The following CA10 variants were observed in gnomAD, a reference collection of about 807,000 sequenced individuals.
The protein encoded by CA10 is carbonic anhydrase 10 (inactive).
CA10 carries 14 observed loss-of-function variants against 44.2 expected under a neutral mutation model. The observed-to-expected ratio is 0.32, with a 90% CI of 0.21 to 0.50. The LOEUF is 0.50. Among genes scored for constraint, CA10 ranks in the 20% least tolerant of loss-of-function variants. The pLI is 0.99. For synonymous variants in CA10, 159 were observed against 141.6 expected, an observed-to-expected ratio of 1.12 and a Z score of -0.87; for missense variants, 350 against 409.7, an observed-to-expected ratio of 0.85 and a Z score of 1.26.
intron 2 of CA10, among the ~76,000 whole-genome samples, chr17:52,068,022 T>C (rs927343741): frequency 1.3e-5 from 2 of 152,134 alleles, no homozygotes; most frequent in African/African-American, 4.8e-5. Flanking sequence ...TGCAGGACAG[T>C]TGGGTAGGCA....
chr17:51,657,057 G>GT (rs1174411133), intron 4 of CA10, among the ~76,000 whole-genome samples: 9 of 152,178 alleles, frequency 5.9e-5, no homozygotes, highest in Admixed American at 5.9e-4. Flanking sequence ...AGAGGTGGAG[G>GT]TTGGGGGGTA....
intron 2 of CA10, among the ~76,000 whole-genome samples, chr17:51,933,391 C>T (rs764378653): frequency 2.6e-5 from 4 of 151,888 alleles, no homozygotes; most frequent in African/African-American, 7.3e-5. Context: ...TAATACTCTG[C>T]TGGCTTTGAA....
intron 5 of CA10, among the ~76,000 whole-genome samples, chr17:51,649,959 A>C (rs1266725327): frequency 7.1e-6 from 1 of 140,176 alleles, no homozygotes; most frequent in Non-Finnish European, 1.6e-5. Context: ...TCAATCAACC[A>C]ACCATCCATC....
At chr17:52,100,130 C>T (rs1056796504) in intron 1 of CA10, among the ~76,000 whole-genome samples, 4 of 152,016 alleles carry the variant, frequency 2.6e-5, no homozygotes, top group Non-Finnish European at 4.4e-5. Context: ...GAACCAAGAG[C>T]GTATTTGTAT....
chr17:52,112,066 C>T (rs1988798239), intron 1 of CA10, among the ~76,000 whole-genome samples: 1 of 151,858 alleles, frequency 6.6e-6, no homozygotes, highest in Admixed American at 6.6e-5. Context: ...AAATGAATGC[C>T]TAAAGACTAG....
chr17:51,922,149 C>A (rs1295075823), intron 3 of CA10, among the ~76,000 whole-genome samples: 4 of 152,114 alleles, frequency 2.6e-5, no homozygotes, highest in African/African-American at 7.2e-5. Context: ...TCATATAATT[C>A]TCTCCACCAC....
chr17:51,841,120 C>G (rs762564698), intron 3 of CA10, among the ~76,000 whole-genome samples: 10 of 152,216 alleles, frequency 6.6e-5, no homozygotes, highest in Admixed American at 1.3e-4. Flanking sequence ...TTTTGTTTAC[C>G]CATAAGAAAG....
At chr17:52,071,465 T>C (rs1364517603) in intron 2 of CA10, among the ~76,000 whole-genome samples, 5 of 152,120 alleles carry the variant, frequency 3.3e-5, no homozygotes, top group African/African-American at 9.7e-5. Flanking sequence ...AAAGAAGACA[T>C]AGAAGCCAAG....
intron 3 of CA10, among the ~76,000 whole-genome samples, chr17:51,853,809 C>T (rs565946142): frequency 1.3e-5 from 2 of 152,154 alleles, no homozygotes; most frequent in Non-Finnish European, 2.9e-5. Context: ...GACTGTTCCT[C>T]CTTCACATGC....
chr17:52,137,727 T>A (rs1989390333), intron 1 of CA10, among the ~76,000 whole-genome samples: 1 of 152,342 alleles, frequency 6.6e-6, no homozygotes, highest in East Asian at 1.9e-4. Context: ...ATTTGTTGAA[T>A]AAATCACGGG....
rs149462585 is a variant in CA10, at chr17:51,873,940, G to A, written c.279+57050C>T. On this transcript the variant is annotated intron_variant, in intron 3 of 8. Transcript: ENST00000451037. ...GGATTACACAAGCACATAGGATAGT[G>A]CACCAGACCTGCAACACTTACTATT... Among the ~76,000 whole-genome samples, 389 of 152,326 alleles carry A rather than the reference G, an allele frequency of 2.6e-3. No homozygotes were observed. In the Middle Eastern group the frequency reaches 0.034, roughly 13 times the overall value.
Position 51,815,933 on chromosome 17 carries a change from A to G in CA10, c.280-68115T>C, listed in dbSNP as rs113900983. On this transcript the variant is annotated intron_variant, in intron 3 of 8. Coordinates refer to ENST00000451037, the MANE Select transcript of CA10 (RefSeq NM_020178.5). ...TATCCTTTGTGTTACAAACAACCCA[A>G]CTACACTCTTGTAGTTATTTTAATG... Among the ~76,000 whole-genome samples the G allele has an allele frequency of 5.7e-3, 866 of 152,138 alleles. 13 individuals are homozygous for G. Among genetic ancestry groups the G allele is most frequent in the African/African-American group, 0.02 (822 of 41,496 alleles).
chr17:51,973,711 G>A (rs527769515), intron 2 of CA10, among the ~76,000 whole-genome samples: 1 of 152,290 alleles, frequency 6.6e-6, no homozygotes, highest in East Asian at 1.9e-4. Flanking sequence ...AGTCTCCACA[G>A]CATAAATCTG....
chr17:51,889,938 AGTTGGT>A (rs1980783114), intron 3 of CA10, among the ~76,000 whole-genome samples: 1 of 152,190 alleles, frequency 6.6e-6, no homozygotes, highest in Non-Finnish European at 1.5e-5. Flanking sequence ...ACAGAAAAAG[AGTTGGT>A]GTCTCCCAGT....
intron 6 of CA10, among the ~76,000 whole-genome samples, chr17:51,645,225 C>T (rs977849797): frequency 6.6e-6 from 1 of 152,226 alleles, no homozygotes; most frequent in African/African-American, 2.4e-5. Flanking sequence ...ATTGTGGACT[C>T]TGCCCCTTGT....
intron 2 of CA10, among the ~76,000 whole-genome samples, chr17:52,004,148 A>C (rs1985523345): frequency 6.6e-6 from 1 of 152,070 alleles, no homozygotes; most frequent in African/African-American, 2.4e-5. Flanking sequence ...ACAGATCATA[A>C]AAATTCATTG....
chr17:51,693,940 C>T (rs768283773), intron 4 of CA10, among the ~76,000 whole-genome samples: 1 of 152,148 alleles, frequency 6.6e-6, no homozygotes, highest in Non-Finnish European at 1.5e-5. Context: ...CACAGTGGCT[C>T]ACACCTGTAA....
At chr17:51,780,665 G>T (rs1657462255) in intron 3 of CA10, among the ~76,000 whole-genome samples, 1 of 152,148 alleles carries the variant, frequency 6.6e-6, no homozygotes, top group Non-Finnish European at 1.5e-5. Context: ...ACGGAGCAGT[G>T]GCAACTCAAG....
intron 3 of CA10, among the ~76,000 whole-genome samples, chr17:51,922,588 A>G (rs935749976): frequency 1.3e-5 from 2 of 151,980 alleles, no homozygotes; most frequent in African/African-American, 4.8e-5. Context: ...TAACAATATT[A>G]TTTCTCATAA....
Sources: gnomAD v4.1 joint callset for allele counts (sites outside exome capture counted in the v4.1 genomes callset) on GRCh38, gnomAD v4.1.1 for gene constraint, MANE v1.5 for transcripts, NCBI Gene and HGNC (gene_info 2026-07-23, HGNC 2026-07-21) for gene names.